The following KIRREL3 variants were observed in gnomAD, a reference collection of about 807,000 sequenced individuals.
KIRREL3 encodes the protein kirre like nephrin family adhesion molecule 3.
In KIRREL3, 36 loss-of-function variants were observed where a neutral mutation model predicts 89.7. The observed-to-expected ratio is 0.40, with a 90% CI of 0.31 to 0.53. The LOEUF (loss-of-function observed/expected upper bound fraction) is 0.53, where lower values mean the gene tolerates loss of function less well. Among genes scored for constraint, KIRREL3 ranks in the 20% least tolerant of loss-of-function variants. The pLI is 0.49. For missense variants in KIRREL3, 864 were observed against 1,056.6 expected (o/e 0.82, Z 2.53); for synonymous variants, 445 against 441.4 (o/e 1.01, Z -0.10).
chr11:126,446,285 C>CTTT (rs111774154), intron 9 of KIRREL3, among the ~76,000 whole-genome samples: 30 of 143,322 alleles, frequency 2.1e-4, no homozygotes, highest in African/African-American at 7.3e-4. Context: ...TTTTCTTTCT[C>CTTT]CTTTCTTTCT....
At chr11:126,503,245 G>A (rs917457621) in intron 4 of KIRREL3, among the ~76,000 whole-genome samples, 2 of 152,096 alleles carry the variant, frequency 1.3e-5, no homozygotes, top group South Asian at 2.1e-4. Flanking sequence ...GGGGGCGTCC[G>A]AGCCTGTGGA....
chr11:126,543,133 A>G (rs1258020122), intron 2 of KIRREL3, among the ~76,000 whole-genome samples: 2 of 151,946 alleles, frequency 1.3e-5, no homozygotes, highest in African/African-American at 4.8e-5. Context: ...TCACCCCCCA[A>G]ACAGAGGCCC....
chr11:126,967,668 C>T (rs1189563626), intron 1 of KIRREL3, among the ~76,000 whole-genome samples: 4 of 152,052 alleles, frequency 2.6e-5, no homozygotes, highest in African/African-American at 9.7e-5. Context: ...AAGCCCAAGC[C>T]TTCTGAAAGT....
rs1041759339 is a variant in KIRREL3 at position 126,807,204 on chromosome 11, A to G, written c.55+193251T>C. Among the ~76,000 whole-genome samples, 1 of 152,340 alleles carries G rather than the reference A, an allele frequency of 6.6e-6. No individual in the cohort carries two copies. The highest frequency in any genetic ancestry group is 6.5e-5 in the Admixed American group (1 of 15,306). ...ACTGCCCCAGGCCCCACCTCCTGCT[A>G]ACATTTTATTTTCTCTGACTCCCAC... is the stretch of plus-strand genomic sequence containing the variant. On this transcript the variant is annotated intron_variant, in intron 1 of 16. Transcript: ENST00000525144. The surrounding 1 kb of genome is among the most constrained non-coding windows in gnomAD (Gnocchi z 4.3).
chr11:126,764,088 T>C lies in KIRREL3; in HGVS notation c.56-201176A>G, dbSNP rs1267642933. ...CAGAAGCTCTAATTAAGTGGAAGAT[T>C]ATGCATGCCATTTGAGTTTTAAAAG... On this transcript the variant is annotated intron_variant, in intron 1 of 16. Coordinates refer to ENST00000525144, the MANE Select transcript of KIRREL3 (RefSeq NM_032531.4). This position sits in a 1 kb window ranked among gnomAD's most constrained non-coding sequence, Gnocchi z 4.2. Among the ~76,000 whole-genome samples the C allele has an allele frequency of 3.3e-5, 5 of 152,172 alleles. No individual in the cohort carries two copies. The highest frequency in any genetic ancestry group is 5.9e-5 in the Non-Finnish European group (4 of 68,026).
rs887494260 is a variant in KIRREL3, at chr11:126,703,180, G to A, written c.56-140268C>T. On this transcript the variant is annotated intron_variant, in intron 1 of 16. Transcript: ENST00000525144. The surrounding 1 kb of genome is among the most constrained non-coding windows in gnomAD (Gnocchi z 4.6). ...CAGTAGGCCTGGATTCCTTCCAGCC[G>A]TGCTGCTTCCTGCCATTTACTCCAT... 6.6e-5 allele frequency among the ~76,000 whole-genome samples: 10 copies of A among 152,198 alleles called. No individual in the cohort carries two copies. Among genetic ancestry groups the A allele is most frequent in the African/African-American group, 9.7e-5 (4 of 41,440 alleles).
intron 1 of KIRREL3, among the ~76,000 whole-genome samples, chr11:126,659,011 A>T (rs1215582926): frequency 6.6e-6 from 1 of 152,212 alleles, no homozygotes; most frequent in Non-Finnish European, 1.5e-5. Context: ...GCCAGTGGGC[A>T]TCCATCAAGA....
chr11:126,435,567 G>T (rs1003683226), intron 12 of KIRREL3, among the ~76,000 whole-genome samples: 1 of 151,926 alleles, frequency 6.6e-6, no homozygotes, highest in South Asian at 2.1e-4. Context: ...CTCGGGGGAG[G>T]GCATGGGGAT....
At chr11:126,728,031 G>A (rs1033775265) in intron 1 of KIRREL3, among the ~76,000 whole-genome samples, 19 of 152,128 alleles carry the variant, frequency 1.2e-4, no homozygotes, top group East Asian at 3.9e-4. Context: ...AGAGCCTCCT[G>A]ATGCACCTGG....
Position 126,476,476 on chromosome 11 carries a change from C to T in KIRREL3, c.434-3010G>A, listed in dbSNP as rs1266350610. Among the ~76,000 whole-genome samples, 1 of 152,132 alleles carries T rather than the reference C, an allele frequency of 6.6e-6. No individual in the cohort carries two copies. Among genetic ancestry groups the T allele is most frequent in the East Asian group, 1.9e-4 (1 of 5,192 alleles). On this transcript the variant is annotated intron_variant, in intron 4 of 16. Coordinates refer to ENST00000525144, the MANE Select transcript of KIRREL3 (RefSeq NM_032531.4). This position sits in a 1 kb window ranked among gnomAD's most constrained non-coding sequence, Gnocchi z 6.4. Reference sequence around the variant, plus strand: ...AATATCGGATTAGAGGCAGCGAGGACGAGGGAGGAGGGAGTGGGGCGTGTT... The same window carrying T: ...AATATCGGATTAGAGGCAGCGAGGATGAGGGAGGAGGGAGTGGGGCGTGTT...
At position 126,424,235 on chromosome 11, in the gene KIRREL3, T is replaced by G; in HGVS notation, c.*345A>C. 1.2e-5 allele frequency: 4 copies of G among 333,128 alleles called. No individual in the cohort carries two copies. Among genetic ancestry groups the G allele is most frequent in the Non-Finnish European group, 2.3e-5 (4 of 175,376 alleles). 20.6% of individuals were successfully genotyped at this position (333,128 alleles called of 1,614,324 possible). On this transcript the variant is annotated 3_prime_UTR_variant, in exon 17 of 17. Transcript: ENST00000525144. ...AGAGAGACCAGAGAGTGGACCGCAG[T>G]TTCATGAAAGCAGAGTTATAGCTGC... is the stretch of plus-strand genomic sequence containing the variant.
chr11:126,440,473 C>G lies in KIRREL3; in HGVS notation c.1329G>C (p.Arg443=). The G allele has an allele frequency of 6.3e-7, 1 of 1,591,002 alleles. No homozygotes were observed. The highest frequency in any genetic ancestry group is 1.1e-5 in the South Asian group (1 of 86,994). ...GEKGQIKCFI[R]STPPPDRIAW... is the part of the protein sequence containing the mutation. ...CGATGCGGTCCGGCGGCGGCGTGCT[C>G]CGGATGAAGCACTTGATCTGGCCCT... is the stretch of plus-strand genomic sequence containing the variant. Residue 443 remains arginine (R), a synonymous_variant, in exon 11 of 17, where the codon CGG becomes CGC. Transcript: ENST00000525144.
At chr11:126,714,690 T>C (rs1381856648) in intron 1 of KIRREL3, among the ~76,000 whole-genome samples, 1 of 152,160 alleles carries the variant, frequency 6.6e-6, no homozygotes, top group East Asian at 1.9e-4. Context: ...CAGTGGTATC[T>C]ACATGATGAT....
Position 126,469,587 on chromosome 11 carries a change from C to T in KIRREL3, c.591+3722G>A, listed in dbSNP as rs539962804. Among the ~76,000 whole-genome samples the T allele has an allele frequency of 1.4e-4, 22 of 152,348 alleles. No homozygotes were observed. The South Asian group carries it at 3.1e-3, about 22-fold the overall frequency. ...CACAGGCTTGTAGCTTCTCCCTGCC[C>T]GGCACACAGCCCCGTGCCTGGGGAA... On this transcript the variant is annotated intron_variant, in intron 5 of 16. Coordinates refer to ENST00000525144, the MANE Select transcript of KIRREL3 (RefSeq NM_032531.4).
chr11:126,647,455 G>T lies in KIRREL3; in HGVS notation c.56-84543C>A, dbSNP rs12793000. Among the ~76,000 whole-genome samples, 6,209 of 152,232 alleles carry T rather than the reference G, an allele frequency of 0.041. 160 individuals are homozygous for T. Among genetic ancestry groups the T allele is most frequent in the Middle Eastern group, 0.11 (32 of 294 alleles). On this transcript the variant is annotated intron_variant, in intron 1 of 16. Coordinates refer to ENST00000525144, the MANE Select transcript of KIRREL3 (RefSeq NM_032531.4). The surrounding 1 kb of genome is among the most constrained non-coding windows in gnomAD (Gnocchi z 4.9). The stretch of plus-strand genomic sequence containing the variant: ...ATTCAACCCCACCCCTCTCACCAGG[G>T]TCCAAGTTATTTGAATACTTCATTT...
chr11:126,599,608 C>T (rs1031640059), intron 1 of KIRREL3, among the ~76,000 whole-genome samples: 7 of 152,178 alleles, frequency 4.6e-5, no homozygotes, highest in Admixed American at 3.9e-4. Context: ...AGGGGTCTGT[C>T]ATTCCTCATG....
chr11:126,970,940 C>T lies in KIRREL3; in HGVS notation c.55+29515G>A, dbSNP rs1949411766. 1.3e-5 allele frequency among the ~76,000 whole-genome samples: 2 copies of T among 152,180 alleles called. No individual in the cohort carries two copies. The highest frequency in any genetic ancestry group is 4.1e-4 in the South Asian group (2 of 4,830). ...TGGCGGTGCTATGGCTTCTCCCCCACCCACCAGTCTCCCTTACAGTAGCTG... is the reference window on the plus strand; with the variant it reads ...TGGCGGTGCTATGGCTTCTCCCCCATCCACCAGTCTCCCTTACAGTAGCTG... On this transcript the variant is annotated intron_variant, in intron 1 of 16. Coordinates refer to ENST00000525144, the MANE Select transcript of KIRREL3 (RefSeq NM_032531.4). This position sits in a 1 kb window ranked among gnomAD's most constrained non-coding sequence, Gnocchi z 4.4.
At chr11:126,722,148 C>T (rs577776063) in intron 1 of KIRREL3, among the ~76,000 whole-genome samples, 5 of 152,348 alleles carry the variant, frequency 3.3e-5, no homozygotes, top group Admixed American at 6.5e-5. Flanking sequence ...TGTCACTTCT[C>T]TCCTCCATCC....
chr11:126,592,528 G>A (rs1385276433), intron 1 of KIRREL3, among the ~76,000 whole-genome samples: 1 of 152,214 alleles, frequency 6.6e-6, no homozygotes, highest in Non-Finnish European at 1.5e-5. Flanking sequence ...AGAAGATTGG[G>A]GTCTAAAGGG....
Sources: gnomAD v4.1 joint callset for allele counts (sites outside exome capture counted in the v4.1 genomes callset) on GRCh38, gnomAD v4.1.1 for gene constraint, Gnocchi (gnomAD v3.1) non-coding constraint, MANE v1.5 for transcripts, NCBI Gene and HGNC (gene_info 2026-07-23, HGNC 2026-07-21) for gene names.